Variants in THEMIS observed in about 807,000 individuals in gnomAD.
THEMIS encodes thymocyte selection associated, also known as protein THEMIS.
THEMIS carries 37 observed loss-of-function variants against 52.6 expected under a neutral mutation model. The ratio of observed to expected loss-of-function variants is 0.70; its 90% CI spans 0.54 to 0.93. The LOEUF (loss-of-function observed/expected upper bound fraction) is 0.93, where lower values mean the gene tolerates loss of function less well. Ranked by LOEUF, THEMIS falls within the 40% of genes least tolerant of loss-of-function variation. The pLI is 0.00. For synonymous variants in THEMIS, 292 were observed against 272.7 expected, an observed-to-expected ratio of 1.07 and a Z score of -0.70; for missense variants, 808 against 763.1, an observed-to-expected ratio of 1.06 and a Z score of -0.69.
At chr6:127,771,337 C>T (rs981994830) in intron 4 of THEMIS, among the ~76,000 whole-genome samples, 1 of 152,070 alleles carries the variant, frequency 6.6e-6, no homozygotes, top group African/African-American at 2.4e-5. Flanking sequence ...GGCCATACTG[C>T]TCAAGGTAAT....
At chr6:127,804,106 T>C (rs1777624405) in intron 4 of THEMIS, among the ~76,000 whole-genome samples, 1 of 152,010 alleles carries the variant, frequency 6.6e-6, no homozygotes, top group Admixed American at 6.6e-5. Flanking sequence ...AGTAGACATA[T>C]ATAGAAAAGA....
downstream of THEMIS, among the ~76,000 whole-genome samples, chr6:127,706,407 A>G (rs72965734): frequency 0.037 from 5,560 of 152,088 alleles, 113 homozygotes; most frequent in Middle Eastern, 0.058. Flanking sequence ...ATCCAAGGCA[A>G]CCCAGTAAAC....
At chr6:127,858,112 A>G (rs1779677788) in intron 1 of THEMIS, among the ~76,000 whole-genome samples, 1 of 152,064 alleles carries the variant, frequency 6.6e-6, no homozygotes, top group Admixed American at 6.6e-5. Flanking sequence ...TAAAGGTTCA[A>G]TTGGAATTCA....
Position 127,888,900 on chromosome 6 carries a change from GA to G in THEMIS, c.91+11941del, listed in dbSNP as rs147167950. On this transcript the variant is annotated intron_variant, in intron 1 of 5. Coordinates refer to ENST00000368248, the MANE Select transcript of THEMIS (RefSeq NM_001010923.3). ...CCCTGACATTATATGACTCTCTTTA[GA>G]ATATGCCTGGTTTTGAATTTTTTGA... Among the ~76,000 whole-genome samples the G allele has an allele frequency of 3.3e-4, 50 of 152,150 alleles. No individual in the cohort carries two copies. In the East Asian group the frequency reaches 8.9e-3, roughly 27 times the overall value.
At chr6:127,780,695 C>G (rs894929164) in intron 4 of THEMIS, among the ~76,000 whole-genome samples, 1 of 152,178 alleles carries the variant, frequency 6.6e-6, no homozygotes, top group Non-Finnish European at 1.5e-5. Flanking sequence ...GTTGAAAATT[C>G]TTTTCTTTAA....
intron 4 of THEMIS, among the ~76,000 whole-genome samples, chr6:127,743,469 C>T (rs1775277468): frequency 6.6e-6 from 1 of 151,964 alleles, no homozygotes; most frequent in Non-Finnish European, 1.5e-5. Flanking sequence ...AATGAGATCT[C>T]TGGAAAAAGA....
intron 1 of THEMIS, among the ~76,000 whole-genome samples, chr6:127,860,158 C>A (rs1381685357): frequency 6.6e-6 from 1 of 152,088 alleles, no homozygotes; most frequent in African/African-American, 2.4e-5. Flanking sequence ...CAGTCTTCCA[C>A]AAAGAGATGG....
intron 1 of THEMIS, among the ~76,000 whole-genome samples, chr6:127,892,370 C>T (rs1328129330): frequency 1.3e-5 from 2 of 152,184 alleles, no homozygotes; most frequent in Non-Finnish European, 2.9e-5. Context: ...CTGCCCCGGT[C>T]ACCCTATCAA....
At position 127,744,605 on chromosome 6, in the gene THEMIS, T is replaced by C. The variant is rs192113892; in HGVS notation, c.1759-24782A>G. 2.0e-4 allele frequency among the ~76,000 whole-genome samples: 31 copies of C among 152,078 alleles called. 2 individuals are homozygous for C. The East Asian group carries it at 3.7e-3, about 18-fold the overall frequency. On this transcript the variant is annotated intron_variant, in intron 4 of 5. Coordinates refer to ENST00000368248, the MANE Select transcript of THEMIS (RefSeq NM_001010923.3). ...AAGGACAAATACTGCATGATTCCAC[T>C]TACATGAGGTATCTAAAATGGTCAA...
chr6:127,701,901 T>C, the THEMIS span, among the ~76,000 whole-genome samples: 1 of 152,200 alleles, frequency 6.6e-6, no homozygotes, highest in Non-Finnish European at 1.5e-5. Flanking sequence ...TGAATTTTAC[T>C]TAATGATTTG....
chr6:127,845,589 A>G (rs537697475), intron 2 of THEMIS, among the ~76,000 whole-genome samples: 1 of 152,082 alleles, frequency 6.6e-6, no homozygotes, highest in South Asian at 2.1e-4. Context: ...TCAAAGCTCA[A>G]TCCCAGAGAA....
At chr6:127,715,841 G>C (rs563285838) in intron 5 of THEMIS, among the ~76,000 whole-genome samples, 1 of 151,800 alleles carries the variant, frequency 6.6e-6, no homozygotes, top group East Asian at 1.9e-4. Flanking sequence ...AGGATCACAG[G>C]CTTTCAGAAC....
intron 4 of THEMIS, among the ~76,000 whole-genome samples, chr6:127,755,621 T>C (rs1186104878): frequency 3.9e-5 from 6 of 152,196 alleles, no homozygotes; most frequent in East Asian, 3.9e-4. Flanking sequence ...CTCCATACTT[T>C]AGCAATTTTC....
Position 127,822,999 on chromosome 6 carries a change from A to G in THEMIS, c.709+6477T>C, listed in dbSNP as rs149730184. On this transcript the variant is annotated intron_variant, in intron 3 of 5. Transcript: ENST00000368248. ...AAACAAATATTTTTATTTACATACA[A>G]TTTGTTTTATATACAAATAAACACT... Among the ~76,000 whole-genome samples the G allele has an allele frequency of 7.5e-3, 1,148 of 152,242 alleles. 21 individuals carry two copies. The highest frequency in any genetic ancestry group is 0.025 in the African/African-American group (1,049 of 41,522).
chr6:127,747,576 A>G (rs1465972929), intron 4 of THEMIS, among the ~76,000 whole-genome samples: 2 of 151,602 alleles, frequency 1.3e-5, no homozygotes, highest in Non-Finnish European at 2.9e-5. Flanking sequence ...AAGGTAATTA[A>G]CCATCTATTG....
intron 1 of THEMIS, among the ~76,000 whole-genome samples, chr6:127,900,414 G>T (rs1220685046): frequency 6.6e-6 from 1 of 152,050 alleles, no homozygotes; most frequent in Non-Finnish European, 1.5e-5. Context: ...GGAGCTAAAA[G>T]TTTGGGAAAT....
chr6:127,794,483 C>A (rs1167110377), intron 4 of THEMIS, among the ~76,000 whole-genome samples: 1 of 152,160 alleles, frequency 6.6e-6, no homozygotes, highest in Non-Finnish European at 1.5e-5. Flanking sequence ...TTTCAGCCTT[C>A]TGACCTGCTG....
intron 4 of THEMIS, among the ~76,000 whole-genome samples, chr6:127,757,568 T>C (rs1583239697): frequency 6.6e-6 from 1 of 152,058 alleles, no homozygotes; most frequent in East Asian, 1.9e-4. Flanking sequence ...CTGCAAGCTC[T>C]GCCTCCCGGG....
chr6:127,728,818 C>T (rs560273472), intron 4 of THEMIS, among the ~76,000 whole-genome samples: 5 of 152,020 alleles, frequency 3.3e-5, no homozygotes, highest in South Asian at 2.1e-4. Flanking sequence ...AACAGAGAAG[C>T]GGATAGACAA....
Sources: gnomAD v4.1 joint callset for allele counts (sites outside exome capture counted in the v4.1 genomes callset) on GRCh38, gnomAD v4.1.1 for gene constraint, MANE v1.5 for transcripts, NCBI Gene and HGNC (gene_info 2026-07-23, HGNC 2026-07-21) for gene names.